The following PTCH1 variants were observed in gnomAD, a reference collection of about 807,000 sequenced individuals.
PTCH1 encodes the protein protein patched homolog 1.
A neutral mutation model predicts 144.6 loss-of-function variants in PTCH1; 14 were observed. That is an observed-to-expected ratio of 0.10 (90% CI 0.06 to 0.15). The LOEUF (loss-of-function observed/expected upper bound fraction) is 0.15. Among genes scored for constraint, PTCH1 ranks in the 10% least tolerant of loss-of-function variants. The pLI is 1.00. For synonymous variants in PTCH1, 833 were observed against 793.6 expected (o/e 1.05, Z -0.83); for missense variants, 1,623 against 1,948.3 (o/e 0.83, Z 3.14).
chr9:95,492,820 C>T (rs554328767), intron 2 of PTCH1, among the ~76,000 whole-genome samples: 281 of 118,186 alleles, frequency 2.4e-3, no homozygotes, highest in African/African-American at 0.011. Flanking sequence ...TGAGGAGATG[C>T]ATTTTTTTCA....
rs2136577235 is a variant in PTCH1, at chr9:95,447,179, G to T, written c.4077C>A (p.Ser1359Arg). 1 of 1,613,066 alleles carries T rather than the reference G, an allele frequency of 6.2e-7. No individual in the cohort carries two copies. Among genetic ancestry groups the T allele is most frequent in the Non-Finnish European group, 8.5e-7 (1 of 1,179,936 alleles). ...TGGGCTGGCAGTAGCCGGGCACGGAGCTGCCCATGGCAGTGGACGCTGGGT... is the reference window on the plus strand; with the variant it reads ...TGGGCTGGCAGTAGCCGGGCACGGATCTGCCCATGGCAGTGGACGCTGGGT... ...PRNPASTAMGSSVPGYCQPIT... is the reference protein window; with the variant it reads ...PRNPASTAMGRSVPGYCQPIT... Residue 1359 changes from serine to arginine, a missense_variant, in exon 23 of 24, where the codon AGC (serine) becomes AGA (arginine). Ser to Arg is a moderately radical substitution (Grantham distance 110). Transcript: ENST00000331920.
At chr9:95,448,985 C>T (rs1312128496) in intron 22 of PTCH1, 84 bp downstream of exon 22, 1 of 1,580,240 alleles carries the variant, frequency 6.3e-7, no homozygotes, top group Non-Finnish European at 8.7e-7. Flanking sequence ...ATGTGCTGCT[C>T]AGCAGACAGG....
intron 19 of PTCH1, 86 bp downstream of exon 19, chr9:95,456,190 A>G: frequency 6.6e-7 from 1 of 1,507,892 alleles, no homozygotes; most frequent in Non-Finnish European, 8.9e-7. Flanking sequence ...CACAGGGAGA[A>G]TGCAAGGTTC....
intron 15 of PTCH1, among the ~76,000 whole-genome samples, chr9:95,462,543 C>T (rs1483742514): frequency 2.6e-5 from 4 of 152,320 alleles, no homozygotes; most frequent in Admixed American, 6.5e-5. Context: ...CTGTGGGATC[C>T]GCTGCCAGGT....
chr9:95,479,034 G>A lies in PTCH1; in HGVS notation c.1181C>T (p.Ala394Val), dbSNP rs2118364801. The A allele has an allele frequency of 6.2e-7, 1 of 1,614,218 alleles. No homozygotes were observed. The highest frequency in any genetic ancestry group is 1.6e-4 in the Middle Eastern group (1 of 6,062). ...TGTCCTCTGCCAGGCCTCCAGGATG[G>A]CTGCCGCTTTGTCCTCGTTCCAGTT... Reference protein sequence around the residue: ...HINWNEDKAAAILEAWQRTYV... With the variant: ...HINWNEDKAAVILEAWQRTYV... Residue 394 changes from alanine to valine, a missense_variant, in exon 8 of 24, where the codon GCC becomes GTC. Physicochemically the swap from Ala to Val is moderately conservative, Grantham distance 64 (BLOSUM62 0). Transcript: ENST00000331920.
rs112981476 is a variant in PTCH1, at chr9:95,458,710, A to C, written c.2888-417T>G. ...TAACTTATCCTTTTAGTGCCTGAAC[A>C]AACTTCAACCTTGTATGCTTCTTTT... On this transcript the variant is annotated intron_variant, in intron 17 of 23. Transcript: ENST00000331920. This position sits in a 1 kb window ranked among gnomAD's most constrained non-coding sequence, Gnocchi z 4.7. Among the ~76,000 whole-genome samples the C allele has an allele frequency of 3.1e-3, 474 of 152,388 alleles. 2 individuals carry two copies. The highest frequency in any genetic ancestry group is 3.8e-3 in the Non-Finnish European group (259 of 68,044).
At chr9:95,455,733 G>A (rs1838857489) in intron 19 of PTCH1, among the ~76,000 whole-genome samples, 2 of 152,194 alleles carry the variant, frequency 1.3e-5, no homozygotes. Context: ...GGAACTGGGT[G>A]GGCTTAGGTA....
rs750746455 is a variant in PTCH1 at position 95,476,734 on chromosome 9, C to T, written c.1602+25G>A. 6 of 1,598,908 alleles carry T rather than the reference C, an allele frequency of 3.8e-6. No individual in the cohort carries two copies. The highest frequency in any genetic ancestry group is 5.1e-6 in the Non-Finnish European group (6 of 1,167,990). ...AGAGGAAGCTGTGATGTCCCCAAAGCTCTCTTCTTTTGTTTTTGCATTACC... is the reference window on the plus strand; with the variant it reads ...AGAGGAAGCTGTGATGTCCCCAAAGTTCTCTTCTTTTGTTTTTGCATTACC... On this transcript the variant is annotated intron_variant, in intron 11 of 23. Transcript: ENST00000331920. The surrounding 1 kb of genome is among the most constrained non-coding windows in gnomAD (Gnocchi z 4.6).
upstream of PTCH1, among the ~76,000 whole-genome samples, chr9:95,512,520 G>A (rs1199607287): frequency 1.3e-5 from 2 of 152,216 alleles, no homozygotes; most frequent in African/African-American, 2.4e-5. Flanking sequence ...GACTTGGGTG[G>A]TCAGGGCTGA....
intron 1 of PTCH1, 24 bp downstream of exon 1, chr9:95,508,137 G>C: frequency 1.2e-6 from 2 of 1,612,032 alleles, no homozygotes; most frequent in Non-Finnish European, 1.7e-6. Context: ...AAGAGAAAGT[G>C]GGAGGAGAGA....
chr9:95,446,592 A>G, intron 23 of PTCH1: 1 of 473,002 alleles, frequency 2.1e-6, no homozygotes, highest in Non-Finnish European at 4.0e-6. Context: ...CCATGTGACC[A>G]ATTCGCTGTG....
At chr9:95,488,359 G>A (rs902750875) in intron 2 of PTCH1, among the ~76,000 whole-genome samples, 5 of 152,164 alleles carry the variant, frequency 3.3e-5, no homozygotes, top group African/African-American at 1.2e-4. Context: ...AGACTATCAT[G>A]ATAGGGTGGC....
At chr9:95,462,420 C>T (rs763449321) in intron 15 of PTCH1, among the ~76,000 whole-genome samples, 1 of 152,196 alleles carries the variant, frequency 6.6e-6, no homozygotes, top group African/African-American at 2.4e-5. Flanking sequence ...GGAAAAAGCA[C>T]ATTCAAACTC....
At chr9:95,494,170 A>T in intron 2 of PTCH1, 2 of 979,948 alleles carry the variant, frequency 2.0e-6, no homozygotes, top group South Asian at 9.5e-5. Context: ...CGCCGGAAGC[A>T]AGCTTCCCCG....
intron 23 of PTCH1, chr9:95,446,613 C>A: frequency 1.9e-6 from 1 of 517,488 alleles, no homozygotes. Context: ...GCATGCACCT[C>A]CATAAAGACT....
intron 1 of PTCH1, chr9:95,507,367 C>A (rs991270766): frequency 7.1e-6 from 7 of 985,486 alleles, no homozygotes; most frequent in Non-Finnish European, 8.4e-6. Flanking sequence ...CGCGGCATTT[C>A]CCCGGCGCTG....
intron 2 of PTCH1, among the ~76,000 whole-genome samples, chr9:95,497,638 A>C (rs1385115932): frequency 6.6e-6 from 1 of 152,020 alleles, no homozygotes; most frequent in Non-Finnish European, 1.5e-5. Context: ...ATGCAACTTA[A>C]AGATGCTGCT....
intron 19 of PTCH1, 63 bp downstream of exon 19, chr9:95,456,213 A>C: frequency 6.2e-7 from 1 of 1,603,794 alleles, no homozygotes; most frequent in Non-Finnish European, 8.5e-7. Context: ...ACTTGGAGAC[A>C]AACAGAGCCA....
intron 15 of PTCH1, among the ~76,000 whole-genome samples, chr9:95,466,346 C>A (rs1840000458): frequency 6.6e-6 from 1 of 152,134 alleles, no homozygotes; most frequent in Admixed American, 6.5e-5. Context: ...TGTGCCCCAC[C>A]AAGAAAGGCA....
Sources: gnomAD v4.1 joint callset for allele counts (sites outside exome capture counted in the v4.1 genomes callset) on GRCh38, gnomAD v4.1.1 for gene constraint, Gnocchi (gnomAD v3.1) non-coding constraint, MANE v1.5 for transcripts, NCBI Gene and HGNC (gene_info 2026-07-23, HGNC 2026-07-21) for gene names.